Variants in VPS13D observed in about 807,000 individuals in gnomAD.
VPS13D encodes vacuolar protein sorting 13 homolog D.
VPS13D carries 187 observed loss-of-function variants against 461.9 expected under a neutral mutation model. The observed-to-expected ratio is 0.40, with a 90% CI of 0.36 to 0.46. The LOEUF (loss-of-function observed/expected upper bound fraction) is 0.46, where lower values mean the gene tolerates loss of function less well. VPS13D is among the 20% of genes least tolerant of loss of function. The probability of loss-of-function intolerance (pLI) is 0.60; values close to 1 mark genes in which losing one functional copy is unlikely to be tolerated. For missense variants in VPS13D, 4,711 were observed against 5,364.9 expected, an observed-to-expected ratio of 0.88 and a Z score of 3.81; for synonymous variants, 1,951 against 1,986.3, an observed-to-expected ratio of 0.98 and a Z score of 0.47.
At chr1:12,453,605 C>T (rs1054411140) in intron 65 of VPS13D, among the ~76,000 whole-genome samples, 4 of 152,154 alleles carry the variant, frequency 2.6e-5, no homozygotes, top group African/African-American at 9.7e-5. Context: ...CTAAACATAG[C>T]AGGCACTCTT....
chr1:12,270,988 T>C lies in VPS13D; in HGVS notation c.1973-6T>C, dbSNP rs1353087282. 6.2e-7 allele frequency: 1 copy of C among 1,613,576 alleles called. No individual in the cohort carries two copies. The highest frequency in any genetic ancestry group is 1.3e-5 in the African/African-American group (1 of 74,994). ...CTGACTCTGCTGTGTATTTCCAACC[T>C]TGCAGGTTTTGGTTATCAGTCTGAA... On this transcript the variant is annotated splice_region_variant and splice_polypyrimidine_tract_variant and intron_variant, in intron 16 of 69. Transcript: ENST00000620676.
intron 63 of VPS13D, among the ~76,000 whole-genome samples, chr1:12,406,050 G>A (rs1644649853): frequency 6.6e-6 from 1 of 151,752 alleles, no homozygotes; most frequent in Admixed American, 6.6e-5. Flanking sequence ...CTGAATTGAA[G>A]GAACATTTTC....
chr1:12,329,050 A>C (rs1643263997), intron 36 of VPS13D, among the ~76,000 whole-genome samples: 1 of 152,096 alleles, frequency 6.6e-6, no homozygotes, highest in South Asian at 2.1e-4. Flanking sequence ...TGACAACTGG[A>C]ATTTTGACTG....
At chr1:12,486,178 A>G (rs1437774599) in intron 67 of VPS13D, among the ~76,000 whole-genome samples, 2 of 152,188 alleles carry the variant, frequency 1.3e-5, no homozygotes, top group African/African-American at 4.8e-5. Flanking sequence ...TCTTGCTTCT[A>G]GAGGGGCACA....
chr1:12,417,979 TCACTACA>T (rs549126323), intron 65 of VPS13D, among the ~76,000 whole-genome samples: 19 of 152,174 alleles, frequency 1.2e-4, no homozygotes, highest in Non-Finnish European at 2.1e-4. Context: ...TGATCTCTGC[TCACTACA>T]ACCTCTGCCT....
chr1:12,450,252 C>T (rs777871176), intron 65 of VPS13D, among the ~76,000 whole-genome samples: 16 of 152,166 alleles, frequency 1.1e-4, no homozygotes, highest in Non-Finnish European at 2.2e-4. Flanking sequence ...AGATTTGATT[C>T]CTTTGCTCCT....
intron 57 of VPS13D, among the ~76,000 whole-genome samples, chr1:12,381,145 G>A (rs1378978832): frequency 6.6e-6 from 1 of 152,198 alleles, no homozygotes; most frequent in East Asian, 1.9e-4. Context: ...ATGTGTTTTG[G>A]TTAGGGAAGT....
intron 24 of VPS13D, among the ~76,000 whole-genome samples, chr1:12,296,282 C>A (rs1569839084): frequency 6.6e-6 from 1 of 152,208 alleles, no homozygotes; most frequent in Non-Finnish European, 1.5e-5. Flanking sequence ...AGTCTCCCAT[C>A]AGCAGTGTAT....
chr1:12,352,809 C>T (rs1242545870), intron 46 of VPS13D, among the ~76,000 whole-genome samples: 3 of 151,660 alleles, frequency 2.0e-5, no homozygotes, highest in African/African-American at 7.3e-5. Flanking sequence ...ACTAAAAATA[C>T]AACAAATTAG....
chr1:12,243,946 A>G (rs1640463910), intron 3 of VPS13D, among the ~76,000 whole-genome samples: 2 of 152,194 alleles, frequency 1.3e-5, no homozygotes. Flanking sequence ...ACCCTGAGCA[A>G]GTGTAAGATG....
At chr1:12,334,138 A>G (rs1219429801) in intron 38 of VPS13D, among the ~76,000 whole-genome samples, 4 of 152,344 alleles carry the variant, frequency 2.6e-5, no homozygotes, top group South Asian at 2.1e-4. Flanking sequence ...TTCCTTACGC[A>G]TGTCAGAGTT....
intron 42 of VPS13D, among the ~76,000 whole-genome samples, chr1:12,343,421 C>T (rs1384411160): frequency 3.9e-5 from 6 of 152,144 alleles, no homozygotes; most frequent in East Asian, 1.9e-4. Flanking sequence ...TGATCCGCTT[C>T]GGCTTCCCAA....
Position 12,249,272 on chromosome 1 carries a change from C to T in VPS13D, c.497C>T (p.Pro166Leu), listed in dbSNP as rs751395719. The stretch of plus-strand genomic sequence containing the variant: ...CGCTTTGAAGATGGTGTCACCAATC[C>T]CTCCCATCCTTTTGCTTTTGGCATC... ...HLRFEDGVTN[P>L]SHPFAFGICI... is the part of the protein sequence containing the mutation. The change falls in exon 6 of 70, where the codon CCC becomes CTC. Residue 166 changes from proline (P) to leucine (L), a missense_variant. Physicochemically the swap from Pro to Leu is moderately conservative, Grantham distance 98 (BLOSUM62 -3). Around this residue, in one of 3 missense-constraint regions of VPS13D, gnomAD observed 4,411 missense variants for 4,937.8 expected, o/e 0.89. Transcript: ENST00000620676. 9.3e-6 allele frequency: 15 copies of T among 1,613,784 alleles called. No homozygotes were observed. In the Admixed American group the frequency reaches 2.5e-4, roughly 27 times the overall value.
intron 25 of VPS13D, among the ~76,000 whole-genome samples, chr1:12,300,008 G>A (rs115730678): frequency 0.011 from 1,716 of 150,620 alleles, 28 homozygotes; most frequent in African/African-American, 0.039. Flanking sequence ...GTAGTTTTCC[G>A]ACCCATTCCC....
chr1:12,390,583 C>G (rs543771288), intron 60 of VPS13D, among the ~76,000 whole-genome samples: 1 of 152,184 alleles, frequency 6.6e-6, no homozygotes, highest in East Asian at 1.9e-4. Flanking sequence ...TAGGCAAACC[C>G]GTATCTGGAG....
chr1:12,453,692 G>A (rs1245100755), intron 65 of VPS13D: 2 of 152,136 alleles, frequency 1.3e-5, no homozygotes, highest in Non-Finnish European at 2.9e-5. Context: ...ACTGTTTTGT[G>A]TATACGATTG....
intron 2 of VPS13D, among the ~76,000 whole-genome samples, chr1:12,238,437 C>T (rs1220614264): frequency 6.6e-6 from 1 of 151,440 alleles, no homozygotes; most frequent in Non-Finnish European, 1.5e-5. Flanking sequence ...GACCCTATCT[C>T]TAAAAAATAG....
intron 34 of VPS13D, among the ~76,000 whole-genome samples, chr1:12,322,954 C>T (rs1014078270): frequency 4.6e-5 from 7 of 151,954 alleles, no homozygotes; most frequent in Non-Finnish European, 7.4e-5. Context: ...TATTTTTCCT[C>T]TTTCAGTTTT....
At chr1:12,385,870 C>A (rs970098900) in intron 59 of VPS13D, among the ~76,000 whole-genome samples, 10 of 152,048 alleles carry the variant, frequency 6.6e-5, no homozygotes, top group Non-Finnish European at 5.9e-5. Context: ...AGCTTTCATC[C>A]CAAATAAGGT....
Sources: gnomAD v4.1 joint callset for allele counts (sites outside exome capture counted in the v4.1 genomes callset) on GRCh38, gnomAD v4.1.1 for gene constraint, gnomAD v4.1.1 regional missense constraint, MANE v1.5 for transcripts, NCBI Gene and HGNC (gene_info 2026-07-23, HGNC 2026-07-21) for gene names.